PDE4D: variants seen among roughly 807,000 people sequenced by gnomAD.
The protein encoded by PDE4D is 3',5'-cyclic-AMP phosphodiesterase 4D.
In PDE4D, 24 loss-of-function variants were observed where a neutral mutation model predicts 87.4. That is an observed-to-expected ratio of 0.27 (90% CI 0.20 to 0.39). The LOEUF (loss-of-function observed/expected upper bound fraction) is 0.39, where lower values mean the gene tolerates loss of function less well. PDE4D is among the 10% of genes least tolerant of loss of function. The pLI is 1.00. For synonymous variants in PDE4D, 384 were observed against 383.2 expected, an observed-to-expected ratio of 1.00 and a Z score of -0.02; for missense variants, 714 against 1,041.0, an observed-to-expected ratio of 0.69 and a Z score of 4.32.
In PDE4D at chr5:59,211,139, A is replaced by C. The variant is rs141908847; in HGVS notation, c.647+4638T>G. ...ATCTAGTTGTTTCTACTGTTATAAA[A>C]AATTTTTACTATTAATGGTAATGCA... On this transcript the variant is annotated intron_variant, in intron 2 of 14. Transcript: ENST00000340635. 1.3e-3 allele frequency among the ~76,000 whole-genome samples: 192 copies of C among 152,262 alleles called. 1 individual carries two copies. The highest frequency in any genetic ancestry group is 4.4e-3 in the African/African-American group (185 of 41,578).
At chr5:59,957,862 A>C (rs1759020068) in intron 3 of PDE4D, among the ~76,000 whole-genome samples, 1 of 152,114 alleles carries the variant, frequency 6.6e-6, no homozygotes, top group Admixed American at 6.6e-5. Context: ...TAAGTAACTA[A>C]ATGGTGAATG....
chr5:59,028,090 G>C (rs1229115614), intron 6 of PDE4D, among the ~76,000 whole-genome samples: 2 of 152,126 alleles, frequency 1.3e-5, no homozygotes, highest in Non-Finnish European at 2.9e-5. Context: ...ACACTGGCTA[G>C]ACTATTCTTC....
At chr5:60,470,366 A>C (rs549377967) in intron 1 of PDE4D, among the ~76,000 whole-genome samples, 1 of 152,322 alleles carries the variant, frequency 6.6e-6, no homozygotes, top group African/African-American at 2.4e-5. Flanking sequence ...ATGCTGAGGA[A>C]GAAGTTGCAG....
At chr5:60,167,369 C>T (rs946142006) in intron 2 of PDE4D, among the ~76,000 whole-genome samples, 3 of 149,278 alleles carry the variant, frequency 2.0e-5, no homozygotes, top group Admixed American at 2.0e-4. Context: ...CTGGGGTTCA[C>T]GCCATTCTCC....
chr5:59,552,759 A>G (rs1818330287), intron 1 of PDE4D, among the ~76,000 whole-genome samples: 1 of 152,184 alleles, frequency 6.6e-6, no homozygotes, highest in Non-Finnish European at 1.5e-5. Context: ...AAAATTAACT[A>G]TATGTACATT....
At chr5:59,946,295 A>G (rs13358932) in intron 3 of PDE4D, among the ~76,000 whole-genome samples, 1 of 151,960 alleles carries the variant, frequency 6.6e-6, no homozygotes, top group Admixed American at 6.5e-5. Context: ...CAAGCAACCT[A>G]CCACAGACAA....
intron 5 of PDE4D, among the ~76,000 whole-genome samples, chr5:59,156,394 C>A (rs1265894498): frequency 7.2e-6 from 1 of 139,744 alleles, no homozygotes; most frequent in Non-Finnish European, 1.5e-5. Flanking sequence ...TCTTTTGTGG[C>A]AGACACTAAA....
At chr5:60,351,121 AT>A (rs1300908524) in intron 1 of PDE4D, among the ~76,000 whole-genome samples, 1 of 152,158 alleles carries the variant, frequency 6.6e-6, no homozygotes, top group African/African-American at 2.4e-5. Flanking sequence ...CCAGAAGTAA[AT>A]GTGAGAAACT....
intron 1 of PDE4D, among the ~76,000 whole-genome samples, chr5:59,477,706 C>T (rs1163948322): frequency 6.6e-6 from 1 of 152,000 alleles, no homozygotes; most frequent in Non-Finnish European, 1.5e-5. Flanking sequence ...TGGGTATATG[C>T]CCAAAGAATA....
intron 5 of PDE4D, chr5:59,039,520 G>C (rs1351535700): frequency 1.0e-6 from 1 of 985,652 alleles, no homozygotes; most frequent in African/African-American, 1.7e-5. Flanking sequence ...CACGTTTCCT[G>C]TTTTCTTTCT....
chr5:59,864,932 G>A (rs1341388982), intron 1 of PDE4D, among the ~76,000 whole-genome samples: 1 of 152,180 alleles, frequency 6.6e-6, no homozygotes, highest in African/African-American at 2.4e-5. Context: ...TGCTCTGGAG[G>A]ACTGCAGTGC....
At chr5:59,820,646 G>A (rs375675723) in intron 1 of PDE4D, among the ~76,000 whole-genome samples, 4 of 152,244 alleles carry the variant, frequency 2.6e-5, no homozygotes, top group African/African-American at 7.2e-5. Context: ...CATCTGACAC[G>A]AACATGCAGG....
chr5:59,696,225 GC>G, intron 1 of PDE4D, among the ~76,000 whole-genome samples: 1 of 152,252 alleles, frequency 6.6e-6, no homozygotes, highest in Middle Eastern at 3.4e-3. Flanking sequence ...AGATTATATA[GC>G]CAAGAATGGT....
chr5:60,260,368 T>C (rs1205909860), intron 1 of PDE4D, among the ~76,000 whole-genome samples: 1 of 152,088 alleles, frequency 6.6e-6, no homozygotes, highest in Non-Finnish European at 1.5e-5. Context: ...CTATACATCA[T>C]AGACCCTGTC....
intron 5 of PDE4D, among the ~76,000 whole-genome samples, chr5:59,149,039 C>G (rs900458135): frequency 6.6e-6 from 1 of 152,012 alleles, no homozygotes; most frequent in Non-Finnish European, 1.5e-5. Context: ...GTAGTCATTG[C>G]CTAACCTAGG....
intron 1 of PDE4D, among the ~76,000 whole-genome samples, chr5:59,315,200 G>A (rs981707908): frequency 6.6e-6 from 1 of 152,118 alleles, no homozygotes; most frequent in Non-Finnish European, 1.5e-5. Flanking sequence ...TCGTGACACA[G>A]AACCTGGATT....
intron 1 of PDE4D, among the ~76,000 whole-genome samples, chr5:59,885,971 A>T (rs772068698): frequency 6.6e-6 from 1 of 152,190 alleles, no homozygotes; most frequent in Non-Finnish European, 1.5e-5. Context: ...ATTCCCTTCC[A>T]TCATCTATAA....
chr5:59,357,122 C>T (rs988736923), intron 1 of PDE4D: 1 of 345,020 alleles, frequency 2.9e-6, no homozygotes, highest in Non-Finnish European at 5.2e-6. Flanking sequence ...AACACTCCCT[C>T]GAAAATTTGT....
chr5:59,279,268 GTT>G (rs1248658308), intron 1 of PDE4D, among the ~76,000 whole-genome samples: 2 of 152,078 alleles, frequency 1.3e-5, no homozygotes, highest in African/African-American at 4.8e-5. Flanking sequence ...GGGGACTGCA[GTT>G]TTTACAGTTT....
Sources: allele counts gnomAD v4.1 joint callset (sites outside exome capture counted in the v4.1 genomes callset), GRCh38; gene constraint gnomAD v4.1.1; transcripts MANE v1.5; gene names NCBI Gene and HGNC (gene_info 2026-07-23, HGNC 2026-07-21).